ZNF415: variants seen among roughly 807,000 people sequenced by gnomAD.
The protein encoded by ZNF415 is zinc finger protein 415.
ZNF415 carries 5 observed loss-of-function variants against 7.3 expected under a neutral mutation model. The ratio of observed to expected loss-of-function variants is 0.69; its 90% CI spans 0.36 to 1.44. The LOEUF (loss-of-function observed/expected upper bound fraction) is 1.44. Among genes scored for constraint, ZNF415 ranks in the 40% most tolerant of loss-of-function variants. ZNF415 has a pLI of 0.04. For missense variants in ZNF415, 628 were observed against 664.8 expected, an observed-to-expected ratio of 0.94 and a Z score of 0.61; for synonymous variants, 207 against 226.3, an observed-to-expected ratio of 0.91 and a Z score of 0.77.
At chr19:53,115,862 C>A (rs1288893142) in intron 3 of ZNF415, 1 of 1,420,446 alleles carries the variant, frequency 7.0e-7, no homozygotes, top group African/African-American at 1.4e-5. Context: ...ACATGATGTG[C>A]TGTGGCTTTT....
At chr19:53,125,204 C>T (rs1279868466) in intron 1 of ZNF415, among the ~76,000 whole-genome samples, 5 of 151,770 alleles carry the variant, frequency 3.3e-5, no homozygotes, top group Non-Finnish European at 7.4e-5. Context: ...CCACCATGCC[C>T]GGCTAATTTC....
At chr19:53,110,892 C>T in intron 3 of ZNF415, among the ~76,000 whole-genome samples, 1 of 152,226 alleles carries the variant, frequency 6.6e-6, no homozygotes, top group East Asian at 1.9e-4. Flanking sequence ...CAATTCCCTA[C>T]ATATGCATTG....
chr19:53,115,778 G>A, intron 3 of ZNF415: 2 of 1,550,446 alleles, frequency 1.3e-6, no homozygotes, highest in African/African-American at 2.7e-5. Flanking sequence ...TATGGTCCAG[G>A]GCTCTTTCCT....
intron 1 of ZNF415, among the ~76,000 whole-genome samples, chr19:53,127,246 C>T (rs1220539839): frequency 6.6e-6 from 1 of 152,076 alleles, no homozygotes; most frequent in African/African-American, 2.4e-5. Context: ...GCCCTCTGGA[C>T]TCAGACACGC....
At chr19:53,116,630 G>GTTTTTTTTTTTTTTT (rs2087100870) in intron 2 of ZNF415, among the ~76,000 whole-genome samples, 197 bp from the exon 3 acceptor site, 11 of 100,656 alleles carry the variant, frequency 1.1e-4, no homozygotes, top group African/African-American at 4.0e-4. Flanking sequence ...TTTTTTTTTG[G>GTTTTTTTTTTTTTTT]TTTGAGACAA....
At chr19:53,118,494 C>T (rs1440324573) in intron 2 of ZNF415, among the ~76,000 whole-genome samples, 1 of 152,206 alleles carries the variant, frequency 6.6e-6, no homozygotes, top group Non-Finnish European at 1.5e-5. Context: ...ACAGAATACA[C>T]ATTCTTTGCA....
chr19:53,110,536 G>A (rs925123437), intron 3 of ZNF415, among the ~76,000 whole-genome samples: 1 of 152,044 alleles, frequency 6.6e-6, no homozygotes, highest in African/African-American at 2.4e-5. Flanking sequence ...AGTGATGCAT[G>A]TCAGTTATAT....
intron 1 of ZNF415, among the ~76,000 whole-genome samples, chr19:53,129,252 C>T (rs904848179): frequency 1.3e-5 from 2 of 152,118 alleles, no homozygotes; most frequent in Admixed American, 6.5e-5. Flanking sequence ...GGAGGCTGGA[C>T]ACTGGCAGGG....
chr19:53,109,620 C>G lies in ZNF415; in HGVS notation c.425G>C (p.Ser142Thr). The change falls in exon 4 of 4, where the codon AGC (serine) becomes ACC (threonine). Residue 142 changes from serine (S) to threonine (T), a missense_variant. Coordinates refer to ENST00000243643, the MANE Select transcript of ZNF415 (RefSeq NM_018355.4). ...CAGTTCATGGGGATGTGGTAGAAAG[C>G]TTAATCCAAGCTGATGTTTAATAGA... ...NKSIKHQLGL[S>T]FLPHPHELQQ... 6.2e-7 allele frequency: 1 copy of G among 1,614,124 alleles called. No individual in the cohort carries two copies. Among genetic ancestry groups the G allele is most frequent in the Non-Finnish European group, 8.5e-7 (1 of 1,180,012 alleles).
rs1364762473 is a variant in ZNF415, at chr19:53,128,752, C to G, written c.-68+4104G>C. ...ATAAATAGCCACAGGAAGTTTAGACCAATTACAGATGAAATTTCCAGAATA... is the reference window on the plus strand; with the variant it reads ...ATAAATAGCCACAGGAAGTTTAGACGAATTACAGATGAAATTTCCAGAATA... On this transcript the variant is annotated intron_variant, in intron 1 of 3. Coordinates refer to ENST00000243643, the MANE Select transcript of ZNF415 (RefSeq NM_018355.4). Among the ~76,000 whole-genome samples, 2 of 108,308 alleles carry G rather than the reference C, an allele frequency of 1.8e-5. 1 individual carries two copies. The highest frequency in any genetic ancestry group is 4.2e-5 in the Non-Finnish European group (2 of 47,674). 71.1% of individuals were successfully genotyped at this position (108,308 alleles called of 152,430 possible).
At chr19:53,116,765 T>A (rs1369774535) in intron 2 of ZNF415, among the ~76,000 whole-genome samples, 1 of 152,022 alleles carries the variant, frequency 6.6e-6, no homozygotes, top group Non-Finnish European at 1.5e-5. Context: ...TAGGCATGTG[T>A]GTACAAAGTA....
At chr19:53,130,477 A>G (rs775631560) in intron 1 of ZNF415, among the ~76,000 whole-genome samples, 9 of 152,184 alleles carry the variant, frequency 5.9e-5, no homozygotes, top group Non-Finnish European at 1.3e-4. Context: ...ATATTTAGAA[A>G]ATGCCATGAG....
intron 1 of ZNF415, among the ~76,000 whole-genome samples, chr19:53,127,355 C>G (rs866655196): frequency 1.3e-5 from 2 of 152,168 alleles, no homozygotes; most frequent in Admixed American, 1.3e-4. Context: ...TACGAAATTT[C>G]GCAAGTCCCA....
intron 1 of ZNF415, among the ~76,000 whole-genome samples, chr19:53,128,201 A>G (rs908346533): frequency 3.3e-5 from 5 of 150,314 alleles, no homozygotes; most frequent in Non-Finnish European, 7.4e-5. Flanking sequence ...GCCTCTGGAC[A>G]AAAGCAGGAA....
rs369631569 is a variant in ZNF415, at chr19:53,109,252, C to G, written c.793G>C (p.Val265Leu). 5 of 1,614,044 alleles carry G rather than the reference C, an allele frequency of 3.1e-6. No homozygotes were observed. The highest frequency in any genetic ancestry group is 4.2e-6 in the Non-Finnish European group (5 of 1,180,032). ...TTGTATGGTTTCTCTCCAGTATGAACTCTCCAATGACGCGCAAGGTTTGAT... is the reference window on the plus strand; with the variant it reads ...TTGTATGGTTTCTCTCCAGTATGAAGTCTCCAATGACGCGCAAGGTTTGAT... ...QKSNLARHWR[V>L]HTGEKPYKCN... Residue 265 changes from valine to leucine, a missense_variant, in exon 4 of 4, where the codon GTT (valine) becomes CTT (leucine). Physicochemically the swap from Val to Leu is conservative, Grantham distance 32 (BLOSUM62 1). Transcript: ENST00000243643.
At chr19:53,110,051 C>A in intron 3 of ZNF415, 143 bp from the exon 4 acceptor site, 3 of 628,666 alleles carry the variant, frequency 4.8e-6, no homozygotes, top group Non-Finnish European at 7.5e-6. Flanking sequence ...TTAATTTTTA[C>A]GAACACAAAG....
chr19:53,113,606 A>G (rs1343865605), intron 3 of ZNF415, among the ~76,000 whole-genome samples: 1 of 152,086 alleles, frequency 6.6e-6, no homozygotes, highest in Non-Finnish European at 1.5e-5. Flanking sequence ...TCAGCTTCAC[A>G]AGCTCCCTCC....
At position 53,116,374 on chromosome 19, in the gene ZNF415, A is replaced by G. The variant is rs1281773773; in HGVS notation, c.75T>C (p.Ser25=). Residue 25 remains serine, a synonymous_variant, in exon 3 of 4, where the codon TCT becomes TCC. Coordinates refer to ENST00000243643, the MANE Select transcript of ZNF415 (RefSeq NM_018355.4). ...CATCCCTGTATAAAGTCCTCTGTGT[A>G]GAGTTCAGGCATTTCCACTCATCTT... ...FSQDEWKCLN[S]TQRTLYRDVM... 101 of 1,613,946 alleles carry G rather than the reference A, an allele frequency of 6.3e-5. No individual in the cohort carries two copies. The highest frequency in any genetic ancestry group is 8.5e-5 in the Non-Finnish European group (100 of 1,179,968).
At chr19:53,126,769 A>C (rs2089209718) in intron 1 of ZNF415, among the ~76,000 whole-genome samples, 1 of 114,562 alleles carries the variant, frequency 8.7e-6, no homozygotes, top group African/African-American at 2.9e-5. Context: ...TATTGCACAA[A>C]TTCCTGAGCG....
Sources: allele counts gnomAD v4.1 joint callset (sites outside exome capture counted in the v4.1 genomes callset), GRCh38; gene constraint gnomAD v4.1.1; transcripts MANE v1.5; gene names NCBI Gene and HGNC (gene_info 2026-07-23, HGNC 2026-07-21).